Variants in PRSS57 observed in about 807,000 individuals in gnomAD.
PRSS57 encodes the protein serine protease 57, also known as neutrophil serine protease 4.
A neutral mutation model predicts 20.6 loss-of-function variants in PRSS57; 19 were observed. That is an observed-to-expected ratio of 0.92 (90% CI 0.64 to 1.35). The LOEUF is 1.35. Among genes scored for constraint, PRSS57 ranks in the 40% most tolerant of loss-of-function variants. The pLI, the probability that PRSS57 is intolerant of heterozygous loss-of-function variation, is 0.00. For missense variants in PRSS57, 440 were observed against 403.7 expected, an observed-to-expected ratio of 1.09 and a Z score of -0.77; for synonymous variants, 203 against 176.6, an observed-to-expected ratio of 1.15 and a Z score of -1.19.
At chr19:690,032 G>A (rs1177510142) in intron 3 of PRSS57, among the ~76,000 whole-genome samples, 3 of 151,346 alleles carry the variant, frequency 2.0e-5, no homozygotes, top group Non-Finnish European at 4.4e-5. Context: ...CAGCCCAGGT[G>A]CCAAAGTGAG....
At chr19:688,583 G>A (rs901486612) in intron 3 of PRSS57, among the ~76,000 whole-genome samples, 6 of 145,624 alleles carry the variant, frequency 4.1e-5, no homozygotes, top group Admixed American at 6.9e-5. Flanking sequence ...CTTCCCACCC[G>A]GAGGACTCCA....
chr19:690,027 C>T (rs779160070), intron 3 of PRSS57, among the ~76,000 whole-genome samples: 5 of 149,948 alleles, frequency 3.3e-5, no homozygotes, highest in Non-Finnish European at 7.4e-5. Flanking sequence ...TACTCCAGCC[C>T]AGGTGCCAAA....
intron 4 of PRSS57, 39 bp downstream of exon 4, chr19:686,886 C>T (rs768759625): frequency 6.3e-7 from 1 of 1,587,212 alleles, no homozygotes; most frequent in Admixed American, 1.7e-5. Flanking sequence ...CCTTGGTTTC[C>T]CCACACAGTA....
At chr19:686,747 C>A (rs1451501781) in intron 4 of PRSS57, among the ~76,000 whole-genome samples, 178 bp downstream of exon 4, 1 of 152,176 alleles carries the variant, frequency 6.6e-6, no homozygotes, top group Non-Finnish European at 1.5e-5. Context: ...ACCTGCACAG[C>A]TGAACATGGC....
At chr19:691,649 G>A (rs781523500) in intron 3 of PRSS57, among the ~76,000 whole-genome samples, 3 of 151,390 alleles carry the variant, frequency 2.0e-5, no homozygotes, top group South Asian at 4.2e-4. Context: ...GTGAAACCCC[G>A]TCTCTACTAA....
intron 3 of PRSS57, chr19:691,146 C>T (rs79984359): frequency 0.013 from 2,753 of 210,248 alleles, 77 homozygotes; most frequent in African/African-American, 0.06. Flanking sequence ...TCCGTGCAGA[C>T]GCCCGGCTCC....
Position 685,677 on chromosome 19 carries a change from T to C in PRSS57, c.*39A>G. ...GCCCAGCCACGGAACATTCCAGGCC[T>C]GGAGCGGCCATCTCATTTGCATGCC... On this transcript the variant is annotated 3_prime_UTR_variant, in exon 5 of 5. Coordinates refer to ENST00000329267, the MANE Select transcript of PRSS57 (RefSeq NM_001308209.2). 2 of 1,480,084 alleles carry C rather than the reference T, an allele frequency of 1.4e-6. No homozygotes were observed. The highest frequency in any genetic ancestry group is 1.8e-6 in the Non-Finnish European group (2 of 1,101,908). The allele number at this position is 1,480,084 out of a possible 1,614,324, so 91.7% of individuals were successfully genotyped here.
intron 3 of PRSS57, among the ~76,000 whole-genome samples, chr19:689,819 C>A (rs1190877357): frequency 1.3e-5 from 2 of 152,122 alleles, no homozygotes; most frequent in East Asian, 3.9e-4. Flanking sequence ...TTTGGGAGAC[C>A]AAGGTGGGCG....
rs547236171 is a variant in PRSS57, at chr19:687,191, G to A, written c.379-3C>T. Reference sequence around the variant, plus strand: ...CCCAGGACAGCAGAGCCGTTCAGCTGCAGGGAGAGCATGAGTTCAGGCCAC... The same window carrying A: ...CCCAGGACAGCAGAGCCGTTCAGCTACAGGGAGAGCATGAGTTCAGGCCAC... On this transcript the variant is annotated splice_region_variant and splice_polypyrimidine_tract_variant and intron_variant, in intron 3 of 4. Transcript: ENST00000329267. The A allele has an allele frequency of 5.9e-6, 9 of 1,517,104 alleles. No individual in the cohort carries two copies. The East Asian group carries it at 9.6e-5, about 16-fold the overall frequency. The allele number at this position is 1,517,104 out of a possible 1,614,324, so 94.0% of individuals were successfully genotyped here. A position where few individuals can be genotyped will look rare whatever the true frequency, so the allele number is the denominator to read the frequency against.
chr19:692,529 G>A (rs1242469234), intron 2 of PRSS57, among the ~76,000 whole-genome samples: 1 of 146,356 alleles, frequency 6.8e-6, no homozygotes, highest in Admixed American at 7.1e-5. Context: ...TGATTCTCCT[G>A]CCTCAGCCCT....
At chr19:688,324 A>G in intron 3 of PRSS57, among the ~76,000 whole-genome samples, 1 of 150,200 alleles carries the variant, frequency 6.7e-6, no homozygotes, top group Non-Finnish European at 1.5e-5. Context: ...AGCTTTGGCT[A>G]CTGGCACTTG....
At chr19:687,328 C>A (rs1390092048) in intron 3 of PRSS57, 140 bp from the exon 4 acceptor site, 9 of 1,010,036 alleles carry the variant, frequency 8.9e-6, no homozygotes, top group Non-Finnish European at 1.3e-5. Flanking sequence ...CAGGAGGCCC[C>A]GTTCCTTCTG....
chr19:695,295 G>A, intron 1 of PRSS57, 57 bp downstream of exon 1: 1 of 868,002 alleles, frequency 1.2e-6, no homozygotes, highest in Non-Finnish European at 1.5e-6. Context: ...TCCCGGGTGT[G>A]GCCCCCGTAC....
At chr19:687,535 C>G (rs773630225) in intron 3 of PRSS57, among the ~76,000 whole-genome samples, 7 of 151,838 alleles carry the variant, frequency 4.6e-5, no homozygotes, top group African/African-American at 7.3e-5. Flanking sequence ...GCCTCCCAAG[C>G]AGCTGGGATT....
chr19:694,741 C>T (rs2031739622), intron 2 of PRSS57, 73 bp downstream of exon 2: 5 of 1,484,276 alleles, frequency 3.4e-6, no homozygotes, highest in African/African-American at 2.9e-5. Flanking sequence ...CCCCCAGCTC[C>T]CCCACCAGCC....
At chr19:688,083 C>T (rs1822726178) in intron 3 of PRSS57, among the ~76,000 whole-genome samples, 1 of 152,254 alleles carries the variant, frequency 6.6e-6, no homozygotes, top group Admixed American at 6.5e-5. Flanking sequence ...CAGCACCGGG[C>T]CTCTGGCCCT....
intron 4 of PRSS57, among the ~76,000 whole-genome samples, chr19:686,535 G>C (rs1168015298): frequency 6.6e-6 from 1 of 152,086 alleles, no homozygotes; most frequent in Non-Finnish European, 1.5e-5. Flanking sequence ...GGGCTGCTGG[G>C]CTAAGTGTGT....
chr19:690,933 G>C, intron 3 of PRSS57: 1 of 469,722 alleles, frequency 2.1e-6, no homozygotes, highest in Non-Finnish European at 4.0e-6. Flanking sequence ...GGGCGCCTGT[G>C]CTCAAGAAGC....
intron 2 of PRSS57, 108 bp downstream of exon 2, chr19:694,706 T>A (rs745748649): frequency 8.5e-5 from 108 of 1,273,742 alleles, no homozygotes; most frequent in African/African-American, 6.7e-4. Context: ...CTGCTGAGAC[T>A]CCCCCTCCTG....
Sources: allele counts gnomAD v4.1 joint callset (sites outside exome capture counted in the v4.1 genomes callset), GRCh38; gene constraint gnomAD v4.1.1; transcripts MANE v1.5; gene names NCBI Gene and HGNC (gene_info 2026-07-23, HGNC 2026-07-21).